Variants in LRRC4C observed in about 807,000 individuals in gnomAD.
LRRC4C encodes leucine-rich repeat-containing protein 4C.
A neutral mutation model predicts 33.6 loss-of-function variants in LRRC4C; 5 were observed. The observed-to-expected ratio is 0.15, with a 90% CI of 0.08 to 0.31. The LOEUF (loss-of-function observed/expected upper bound fraction) is 0.31. LRRC4C is among the 10% of genes least tolerant of loss of function. The pLI, the probability that LRRC4C is intolerant of heterozygous loss-of-function variation, is 1.00. For missense variants in LRRC4C, 560 were observed against 796.7 expected, an observed-to-expected ratio of 0.70 and a Z score of 3.58; for synonymous variants, 329 against 302.0, an observed-to-expected ratio of 1.09 and a Z score of -0.93.
At chr11:40,860,641 AG>A (rs530615055) in intron 2 of LRRC4C, among the ~76,000 whole-genome samples, 28 of 152,106 alleles carry the variant, frequency 1.8e-4, no homozygotes, top group Non-Finnish European at 3.2e-4. Flanking sequence ...TCTTCTTATT[AG>A]AACACTAGTC....
chr11:40,657,196 T>A (rs1943168025), intron 2 of LRRC4C, among the ~76,000 whole-genome samples: 1 of 152,236 alleles, frequency 6.6e-6, no homozygotes, highest in Admixed American at 6.5e-5. Context: ...AGCTATTCAC[T>A]TGTCTCACAA....
At chr11:40,951,422 TAA>T (rs199898612) in intron 1 of LRRC4C, among the ~76,000 whole-genome samples, 2 of 148,722 alleles carry the variant, frequency 1.3e-5, no homozygotes, top group Non-Finnish European at 1.5e-5. Context: ...GAGTGAAAAT[TAA>T]AAAAAAAAAT....
intron 2 of LRRC4C, among the ~76,000 whole-genome samples, chr11:40,658,486 T>C (rs960564183): frequency 2.0e-5 from 3 of 152,182 alleles, no homozygotes; most frequent in Non-Finnish European, 4.4e-5. Context: ...ATTGTAAAGC[T>C]ACCAAAGAAG....
At chr11:40,565,932 T>C (rs914454289) in intron 3 of LRRC4C, among the ~76,000 whole-genome samples, 2 of 152,068 alleles carry the variant, frequency 1.3e-5, no homozygotes, top group Non-Finnish European at 2.9e-5. Context: ...ATTTTAGATA[T>C]ACCCAATACA....
intron 1 of LRRC4C, among the ~76,000 whole-genome samples, chr11:41,381,013 A>T (rs761396225): frequency 6.6e-6 from 1 of 152,174 alleles, no homozygotes; most frequent in Non-Finnish European, 1.5e-5. Context: ...CATAACTTCA[A>T]TGTAAAACCA....
At chr11:40,667,317 T>A (rs1943862595) in intron 2 of LRRC4C, among the ~76,000 whole-genome samples, 1 of 152,186 alleles carries the variant, frequency 6.6e-6, no homozygotes, top group Non-Finnish European at 1.5e-5. Flanking sequence ...ATGATTTTCC[T>A]TTTACTTTTG....
chr11:40,959,734 T>C (rs1850849383), intron 1 of LRRC4C, among the ~76,000 whole-genome samples: 1 of 151,698 alleles, frequency 6.6e-6, no homozygotes. Flanking sequence ...CACAGTGCTC[T>C]AGCAAAAGTG....
intron 2 of LRRC4C, among the ~76,000 whole-genome samples, chr11:40,738,789 C>CT (rs1320314256): frequency 6.6e-6 from 1 of 151,980 alleles, no homozygotes; most frequent in African/African-American, 2.4e-5. Context: ...TCCTTTTTCC[C>CT]TTAGCATTGT....
At chr11:40,971,065 G>T (rs1303260186) in intron 1 of LRRC4C, among the ~76,000 whole-genome samples, 3 of 152,194 alleles carry the variant, frequency 2.0e-5, no homozygotes, top group Admixed American at 6.5e-5. Flanking sequence ...TGGAAAATTT[G>T]CAGCCTGGCC....
chr11:41,269,447 A>C (rs1479027229), intron 1 of LRRC4C, among the ~76,000 whole-genome samples: 1 of 151,976 alleles, frequency 6.6e-6, no homozygotes, highest in Non-Finnish European at 1.5e-5. Flanking sequence ...ACAGAGAGAG[A>C]GAAGGGACCA....
chr11:40,528,334 A>T (rs898152687), intron 3 of LRRC4C, among the ~76,000 whole-genome samples: 1 of 150,068 alleles, frequency 6.7e-6, no homozygotes, highest in African/African-American at 2.5e-5. Flanking sequence ...CGATAGCAAA[A>T]CAACAACAAA....
chr11:40,460,388 A>G (rs1373260893), intron 3 of LRRC4C, among the ~76,000 whole-genome samples: 9 of 152,084 alleles, frequency 5.9e-5, no homozygotes, highest in African/African-American at 2.2e-4. Flanking sequence ...CTAAAAAACA[A>G]ACATGGCATG....
intron 3 of LRRC4C, among the ~76,000 whole-genome samples, chr11:40,386,902 C>T (rs974849148): frequency 7.2e-5 from 11 of 151,992 alleles, no homozygotes; most frequent in African/African-American, 2.7e-4. Context: ...TCTAGAAAAC[C>T]CCTAAGTTCT....
chr11:41,076,865 G>A (rs954773101), intron 1 of LRRC4C, among the ~76,000 whole-genome samples: 5 of 152,152 alleles, frequency 3.3e-5, no homozygotes, highest in Non-Finnish European at 5.9e-5. Context: ...AAAATCAAAA[G>A]CAAGTTAATT....
At chr11:40,652,663 A>T (rs898050617) in intron 2 of LRRC4C, among the ~76,000 whole-genome samples, 1 of 152,240 alleles carries the variant, frequency 6.6e-6, no homozygotes, top group Non-Finnish European at 1.5e-5. Flanking sequence ...GCAGGGCTGG[A>T]TGCTCCAACA....
chr11:40,275,459 A>G (rs1943034918), intron 4 of LRRC4C, among the ~76,000 whole-genome samples: 2 of 152,142 alleles, frequency 1.3e-5, no homozygotes. Flanking sequence ...ACAGAACATA[A>G]AAGCAGGCAG....
At chr11:40,424,542 T>G (rs117097849) in intron 3 of LRRC4C, among the ~76,000 whole-genome samples, 1 of 152,168 alleles carries the variant, frequency 6.6e-6, no homozygotes, top group African/African-American at 2.4e-5. Context: ...TAAACAAATA[T>G]GTATGCGCAG....
intron 2 of LRRC4C, among the ~76,000 whole-genome samples, chr11:40,926,250 T>A (rs1326513104): frequency 6.6e-6 from 1 of 152,138 alleles, no homozygotes; most frequent in Admixed American, 6.5e-5. Context: ...TTTCCTTCTG[T>A]CCTGTGACCT....
intron 2 of LRRC4C, among the ~76,000 whole-genome samples, chr11:40,855,878 A>G (rs1044462444): frequency 2.0e-5 from 3 of 151,940 alleles, no homozygotes; most frequent in Non-Finnish European, 4.4e-5. Flanking sequence ...ATTCAGATGC[A>G]GCATAGTCTT....
Sources: allele counts gnomAD v4.1 joint callset (sites outside exome capture counted in the v4.1 genomes callset), GRCh38; gene constraint gnomAD v4.1.1; transcripts MANE v1.5; gene names NCBI Gene and HGNC (gene_info 2026-07-23, HGNC 2026-07-21).